MAN1A1: variants seen among roughly 807,000 people sequenced by gnomAD.
MAN1A1 encodes the protein mannosyl-oligosaccharide 1,2-alpha-mannosidase IA.
Under a neutral mutation model 70.8 loss-of-function variants are expected in MAN1A1, and 29 were observed. The ratio of observed to expected loss-of-function variants is 0.41; its 90% CI spans 0.31 to 0.56. The LOEUF is 0.56. Among genes scored for constraint, MAN1A1 ranks in the 20% least tolerant of loss-of-function variants. MAN1A1 has a pLI of 0.29. For missense variants in MAN1A1, 747 were observed against 841.3 expected (o/e 0.89, Z 1.39); for synonymous variants, 349 against 330.1 (o/e 1.06, Z -0.62).
intron 8 of MAN1A1, among the ~76,000 whole-genome samples, chr6:119,197,224 G>A (rs1002950286): frequency 1.3e-5 from 2 of 151,442 alleles, no homozygotes; most frequent in Non-Finnish European, 2.9e-5. Flanking sequence ...CAGGAGAATC[G>A]CTTGAACCTG....
chr6:119,221,426 A>G (rs954299492), intron 6 of MAN1A1, among the ~76,000 whole-genome samples: 2 of 150,646 alleles, frequency 1.3e-5, no homozygotes, highest in Admixed American at 6.6e-5. Context: ...AACTAAACAC[A>G]TATTCTTGTT....
At chr6:119,215,899 C>G (rs1009870502) in intron 6 of MAN1A1, among the ~76,000 whole-genome samples, 4 of 152,188 alleles carry the variant, frequency 2.6e-5, no homozygotes, top group African/African-American at 9.7e-5. Context: ...TGATGAGAAG[C>G]TTCTTTAGAC....
intron 5 of MAN1A1, among the ~76,000 whole-genome samples, chr6:119,278,924 G>A (rs1776152935): frequency 6.6e-6 from 1 of 152,022 alleles, no homozygotes; most frequent in Non-Finnish European, 1.5e-5. Flanking sequence ...GCAGATGCTG[G>A]AGCCTTGCTT....
chr6:119,270,713 C>T (rs1480919031), intron 5 of MAN1A1, among the ~76,000 whole-genome samples: 1 of 152,192 alleles, frequency 6.6e-6, no homozygotes, highest in African/African-American at 2.4e-5. Flanking sequence ...GTGTCATTTA[C>T]ACCTGAAAGT....
rs773305423 is a variant in MAN1A1 at position 119,348,806 on chromosome 6, T to C, written c.260A>G (p.Lys87Arg). The change falls in exon 2 of 13, where the codon AAG becomes AGG. Residue 87 changes from lysine to arginine, a missense_variant. Around this residue, in one of 2 missense-constraint regions of MAN1A1, gnomAD observed 328 missense variants for 293.1 expected, o/e 1.12. Coordinates refer to ENST00000368468, the MANE Select transcript of MAN1A1 (RefSeq NM_005907.4). ...CTCGGCGCGCGCCCCGGGCCCGGGC[T>C]TGTGGTCGGCGGCCGGCTGCAAGGC... Reference protein sequence around the residue: ...SPALQPAADHKPGPGARAEDA... With the variant: ...SPALQPAADHRPGPGARAEDA... 37 of 1,447,412 alleles carry C rather than the reference T, an allele frequency of 2.6e-5. No individual in the cohort carries two copies. In the African/African-American group the frequency reaches 4.5e-4, roughly 18 times the overall value. 89.7% of individuals were successfully genotyped at this position (1,447,412 alleles called of 1,614,324 possible).
chr6:119,249,093 GATA>G (rs1775247478), intron 5 of MAN1A1, among the ~76,000 whole-genome samples: 1 of 152,082 alleles, frequency 6.6e-6, no homozygotes, highest in Non-Finnish European at 1.5e-5. Context: ...AACTGGGGCC[GATA>G]ATACCACAGA....
intron 11 of MAN1A1, 126 bp from the exon 12 acceptor site, chr6:119,180,553 G>C: frequency 1.7e-6 from 1 of 575,192 alleles, no homozygotes; most frequent in East Asian, 3.0e-5. Context: ...TCACTCTGTT[G>C]CCTGGGCGGA....
At chr6:119,231,703 C>G (rs190894019) in intron 6 of MAN1A1, among the ~76,000 whole-genome samples, 2 of 152,282 alleles carry the variant, frequency 1.3e-5, no homozygotes, top group Non-Finnish European at 2.9e-5. Flanking sequence ...AATGCTTTCA[C>G]TCTTACCACT....
chr6:119,305,992 C>T (rs1206860320), intron 3 of MAN1A1, among the ~76,000 whole-genome samples: 1 of 152,090 alleles, frequency 6.6e-6, no homozygotes, highest in East Asian at 1.9e-4. Context: ...ATTTTTCTCA[C>T]CTATAAAATG....
At chr6:119,309,131 G>T (rs928810286) in intron 2 of MAN1A1, among the ~76,000 whole-genome samples, 2 of 152,148 alleles carry the variant, frequency 1.3e-5, no homozygotes, top group African/African-American at 2.4e-5. Flanking sequence ...CCTGAACAAA[G>T]CACTGGGAGG....
At chr6:119,204,368 G>C (rs1773800764) in intron 7 of MAN1A1, among the ~76,000 whole-genome samples, 3 of 152,320 alleles carry the variant, frequency 2.0e-5, no homozygotes, top group African/African-American at 7.2e-5. Flanking sequence ...TATTTGGTTT[G>C]CTTTCGGAAA....
At chr6:119,186,843 T>C (rs528653266) in intron 11 of MAN1A1, among the ~76,000 whole-genome samples, 1 of 152,238 alleles carries the variant, frequency 6.6e-6, no homozygotes, top group South Asian at 2.1e-4. Context: ...GTTTAAAAAA[T>C]GCAAGACCCT....
chr6:119,184,925 G>T (rs1773247164), intron 11 of MAN1A1, among the ~76,000 whole-genome samples: 1 of 151,936 alleles, frequency 6.6e-6, no homozygotes, highest in African/African-American at 2.4e-5. Context: ...GTCTCGCTCT[G>T]TTGCTCAGGC....
At chr6:119,350,562 G>A (rs533477358), upstream of MAN1A1, 1 of 985,212 alleles carries the variant, frequency 1.0e-6, no homozygotes, top group South Asian at 4.7e-5. Flanking sequence ...ATTCGAAGAC[G>A]AGTTTTATGC....
At position 119,348,882 on chromosome 6, in the gene MAN1A1, GGAA is replaced by G; in HGVS notation, c.181_183del (p.Phe61del). 2 of 1,534,766 alleles carry G rather than the reference GGAA, an allele frequency of 1.3e-6. No individual in the cohort carries two copies. Among genetic ancestry groups the G allele is most frequent in the Non-Finnish European group, 1.8e-6 (2 of 1,142,558 alleles). ...CTGAGCAGCTTGGAGGAGTCTGGCA[GGAA>G]GAAGATCGCCCCGAAGCAGAGCGTG... On this transcript the variant is annotated inframe_deletion, in exon 2 of 13. Transcript: ENST00000368468.
intron 6 of MAN1A1, among the ~76,000 whole-genome samples, chr6:119,241,966 GTGTGTGTATA>G: frequency 6.7e-6 from 1 of 150,274 alleles, no homozygotes; most frequent in Non-Finnish European, 1.5e-5. Context: ...GTGTGTGTGT[GTGTGTGTATA>G]TGTGTGTGTA....
intron 2 of MAN1A1, among the ~76,000 whole-genome samples, chr6:119,332,820 AT>A (rs1773354494): frequency 6.7e-6 from 1 of 150,136 alleles, no homozygotes; most frequent in South Asian, 2.1e-4. Context: ...GAGGAATATA[AT>A]TTTTATTTTA....
intron 10 of MAN1A1, 77 bp from the exon 11 acceptor site, chr6:119,188,654 A>C: frequency 7.7e-7 from 1 of 1,297,290 alleles, no homozygotes; most frequent in Non-Finnish European, 1.1e-6. Flanking sequence ...ATGAAACTAG[A>C]AAGTACAGTC....
At chr6:119,292,265 C>T (rs986852497) in intron 4 of MAN1A1, among the ~76,000 whole-genome samples, 3 of 146,410 alleles carry the variant, frequency 2.0e-5, no homozygotes, top group Non-Finnish European at 4.6e-5. Flanking sequence ...TAGTTAGCTT[C>T]TTTTCATGTT....
Sources: allele counts gnomAD v4.1 joint callset (sites outside exome capture counted in the v4.1 genomes callset), GRCh38; gene constraint gnomAD v4.1.1; regional missense constraint gnomAD v4.1.1; transcripts MANE v1.5; gene names NCBI Gene and HGNC (gene_info 2026-07-23, HGNC 2026-07-21).